Variants in MYH11 observed in about 807,000 individuals in gnomAD.
MYH11 encodes myosin heavy chain 11, also known as myosin-11.
MYH11 carries 80 observed loss-of-function variants against 246.6 expected under a neutral mutation model. That is an observed-to-expected ratio of 0.32 (90% CI 0.27 to 0.39). The LOEUF (loss-of-function observed/expected upper bound fraction) is 0.39. MYH11 is among the 10% of genes least tolerant of loss of function. The pLI is 1.00. For missense variants in MYH11, 2,158 were observed against 2,546.8 expected, an observed-to-expected ratio of 0.85 and a Z score of 3.29; for synonymous variants, 1,071 against 1,015.5, an observed-to-expected ratio of 1.05 and a Z score of -1.04.
intron 3 of MYH11, among the ~76,000 whole-genome samples, chr16:15,807,639 G>T (rs936892396): frequency 1.3e-5 from 2 of 152,028 alleles, no homozygotes; most frequent in Admixed American, 6.6e-5. Flanking sequence ...AGCTGGGGGC[G>T]GCCGGCCATC....
At chr16:15,856,352 C>T (rs1195307273) in intron 1 of MYH11, among the ~76,000 whole-genome samples, 1 of 128,536 alleles carries the variant, frequency 7.8e-6, no homozygotes, top group African/African-American at 2.6e-5. Context: ...AAAACAACAA[C>T]ACTCCTTTCT....
chr16:15,836,770 G>C (rs1404584283), intron 2 of MYH11, among the ~76,000 whole-genome samples: 2 of 144,528 alleles, frequency 1.4e-5, no homozygotes, highest in Non-Finnish European at 3.0e-5. Flanking sequence ...TATTGCCCAG[G>C]CTGGAGTGCA....
intron 1 of MYH11, among the ~76,000 whole-genome samples, chr16:15,845,331 A>ATTT (rs2044158739): frequency 7.0e-6 from 1 of 142,418 alleles, no homozygotes; most frequent in South Asian, 2.2e-4. Context: ...ATCAGCTATC[A>ATTT]TTAGTGCTAG....
At chr16:15,853,348 C>T (rs779717697) in intron 1 of MYH11, among the ~76,000 whole-genome samples, 1 of 152,068 alleles carries the variant, frequency 6.6e-6, no homozygotes, top group African/African-American at 2.4e-5. Flanking sequence ...GATGGTGCCT[C>T]GCTATGTTGC....
Position 15,852,161 on chromosome 16 carries a change from G to A in MYH11, c.-18+4780C>T, listed in dbSNP as rs1050198165. On this transcript the variant is annotated intron_variant, in intron 1 of 40. Transcript: ENST00000300036. ...CACCTGCAAGGGATCTAGGTTGTAC[G>A]TTCCTTATGAGAATCTAACCAATGC... Among the ~76,000 whole-genome samples, 10 of 152,006 alleles carry A rather than the reference G, an allele frequency of 6.6e-5. No homozygotes were observed. In the East Asian group the frequency reaches 1.2e-3, roughly 18 times the overall value.
chr16:15,716,655 G>A (rs1372149600), intron 38 of MYH11, among the ~76,000 whole-genome samples: 1 of 152,194 alleles, frequency 6.6e-6, no homozygotes, highest in African/African-American at 2.4e-5. Flanking sequence ...CTGAGTAGCT[G>A]AGATAATAGG....
intron 31 of MYH11, among the ~76,000 whole-genome samples, chr16:15,723,862 T>G (rs746800262): frequency 6.6e-6 from 1 of 152,206 alleles, no homozygotes; most frequent in African/African-American, 2.4e-5. Context: ...AGTGAATAAA[T>G]AAGCACCTCA....
Position 15,735,265 on chromosome 16 carries a change from CAG to C in MYH11, c.3506+99_3506+100del, listed in dbSNP as rs934468575. 6 of 1,302,596 alleles carry C rather than the reference CAG, an allele frequency of 4.6e-6. No individual in the cohort carries two copies. In the African/African-American group the frequency reaches 8.7e-5, roughly 19 times the overall value. The allele number at this position is 1,302,596 out of a possible 1,614,324, so 80.7% of individuals were successfully genotyped here. On this transcript the variant is annotated intron_variant, in intron 26 of 40. Transcript: ENST00000300036. ...AACCGCGGCCAGGAAGGTAAATGCA[CAG>C]GGGCTGATGCACGATTTGCTTTGGG...
chr16:15,718,414 G>A lies in MYH11; in HGVS notation c.5196C>T (p.Arg1732=), dbSNP rs970185342. The change falls in exon 37 of 41, where the codon CGC becomes CGT. Residue 1732 remains arginine (R), a synonymous_variant. Coordinates refer to ENST00000300036, the MANE Select transcript of MYH11 (RefSeq NM_002474.3). ...SGRNALQDEK[R]RLEARIAQLE... is the part of the protein sequence containing the mutation. ...GCTGGGCGATCCGGGCCTCCAGGCG[G>A]CGCTTCTCGTCCTGGAGTGCGTTCC... The A allele has an allele frequency of 1.9e-6, 3 of 1,584,354 alleles. No homozygotes were observed. The African/African-American group carries it at 4.0e-5, about 21-fold the overall frequency.
At position 15,838,227 on chromosome 16, in the gene MYH11, T is replaced by A; in HGVS notation, c.26A>T (p.Asp9Val). The change falls in exon 2 of 41, where the codon GAC becomes GTC. Residue 9 changes from aspartate (D) to valine (V), a missense_variant. By Grantham distance (152) the Asp-to-Val change is radical. This residue lies in a region of MYH11 where 96 missense variants were observed against 91.9 expected (regional missense o/e 1.04). Transcript: ENST00000300036. ...GTCCACAAAGAGGAACTTCTCATCG[T>A]CACTGAGTTGGCCCTTCTGCGCCAT... The part of the protein sequence containing the change: MAQKGQLS[D>V]DEKFLFVDKN... 1 of 1,614,126 alleles carries A rather than the reference T, an allele frequency of 6.2e-7. No individual in the cohort carries two copies. Among genetic ancestry groups the A allele is most frequent in the South Asian group, 1.1e-5 (1 of 91,088 alleles).
At chr16:15,755,525 G>A (rs1032273447) in intron 14 of MYH11, among the ~76,000 whole-genome samples, 22 of 152,094 alleles carry the variant, frequency 1.4e-4, no homozygotes, top group Admixed American at 9.8e-4. Flanking sequence ...ACAGTGGCTC[G>A]TGCTCATAAT....
At chr16:15,856,265 C>A (rs2151403680) in intron 1 of MYH11, among the ~76,000 whole-genome samples, 1 of 143,234 alleles carries the variant, frequency 7.0e-6, no homozygotes, top group African/African-American at 2.6e-5. Context: ...TGGGCTGTAA[C>A]AAACTAGATC....
At chr16:15,843,775 C>G (rs1013816685) in intron 1 of MYH11, among the ~76,000 whole-genome samples, 1 of 151,932 alleles carries the variant, frequency 6.6e-6, no homozygotes, top group Non-Finnish European at 1.5e-5. Flanking sequence ...ATTGCTAAAA[C>G]CATTAGGCCA....
chr16:15,814,282 G>A (rs540284475), intron 3 of MYH11, among the ~76,000 whole-genome samples: 3 of 152,098 alleles, frequency 2.0e-5, no homozygotes, highest in East Asian at 1.9e-4. Flanking sequence ...TCCAGACACC[G>A]TGGCTCACGC....
At chr16:15,763,741 T>TGGGGGCCCCCCCCCCCCCC in intron 10 of MYH11, 55 bp downstream of exon 10, 5 of 646,840 alleles carry the variant, frequency 7.7e-6, no homozygotes, top group East Asian at 3.2e-5. Context: ...AAATGTCACC[T>TGGGGGCCCCCCCCCCCCCC]CCCCCACCCC....
At chr16:15,786,284 C>T (rs942442543) in intron 5 of MYH11, 1 of 410,248 alleles carries the variant, frequency 2.4e-6, no homozygotes, top group Admixed American at 3.5e-5. Context: ...ATTCTACGAG[C>T]CACAGGGAAG....
chr16:15,808,082 C>T (rs921930707), intron 3 of MYH11, among the ~76,000 whole-genome samples: 1 of 152,194 alleles, frequency 6.6e-6, no homozygotes, highest in African/African-American at 2.4e-5. Flanking sequence ...GCCATCAATA[C>T]CCCTGGGCTA....
chr16:15,830,328 G>A (rs1317274716), intron 2 of MYH11, among the ~76,000 whole-genome samples: 4 of 152,182 alleles, frequency 2.6e-5, no homozygotes, highest in Non-Finnish European at 4.4e-5. Flanking sequence ...CACCAAGCAC[G>A]TGCTTTTGCT....
intron 4 of MYH11, among the ~76,000 whole-genome samples, chr16:15,790,745 T>G (rs918898038): frequency 6.6e-6 from 1 of 152,192 alleles, no homozygotes; most frequent in African/African-American, 2.4e-5. Flanking sequence ...CTCCTGGCCT[T>G]GTAACTACCC....
Sources: gnomAD v4.1 joint callset for allele counts (sites outside exome capture counted in the v4.1 genomes callset) on GRCh38, gnomAD v4.1.1 for gene constraint, gnomAD v4.1.1 regional missense constraint, MANE v1.5 for transcripts, NCBI Gene and HGNC (gene_info 2026-07-23, HGNC 2026-07-21) for gene names.